The following STAG1 variants were observed in gnomAD, a reference collection of about 807,000 sequenced individuals.
STAG1 encodes the protein STAG1 cohesin complex component.
A neutral mutation model predicts 170.9 loss-of-function variants in STAG1; 26 were observed. The observed-to-expected ratio is 0.15, with a 90% confidence interval of 0.11 to 0.21. STAG1 has a LOEUF of 0.21. Ranked by LOEUF, STAG1 falls within the 10% of genes least tolerant of loss-of-function variation. The pLI, the probability that STAG1 is intolerant of heterozygous loss-of-function variation, is 1.00. For synonymous variants in STAG1, 514 were observed against 497.7 expected, an observed-to-expected ratio of 1.03 and a Z score of -0.44; for missense variants, 964 against 1,509.5, an observed-to-expected ratio of 0.64 and a Z score of 5.99.
At chr3:136,497,395 G>A (rs566666797) in intron 9 of STAG1, among the ~76,000 whole-genome samples, 1 of 152,206 alleles carries the variant, frequency 6.6e-6, no homozygotes, top group East Asian at 1.9e-4. Flanking sequence ...GATAATGTGG[G>A]CTTTATGCGT....
intron 6 of STAG1, among the ~76,000 whole-genome samples, chr3:136,540,883 C>A: frequency 7.6e-6 from 1 of 130,940 alleles, no homozygotes; most frequent in African/African-American, 2.7e-5. Context: ...AATTTCTCAA[C>A]TTCTAGTTAT....
chr3:136,542,457 A>G (rs1327333792), intron 5 of STAG1, among the ~76,000 whole-genome samples: 1 of 152,184 alleles, frequency 6.6e-6, no homozygotes, highest in African/African-American at 2.4e-5. Flanking sequence ...AATCTACCAT[A>G]AAGTTCTAGA....
At chr3:136,615,656 T>C (rs1939554026) in intron 3 of STAG1, among the ~76,000 whole-genome samples, 2 of 150,808 alleles carry the variant, frequency 1.3e-5, no homozygotes, top group South Asian at 2.1e-4. Context: ...TGGGCACCTG[T>C]AGTCCCAGCT....
chr3:136,704,849 TAAA>T (rs1295733813), intron 1 of STAG1, among the ~76,000 whole-genome samples: 2 of 123,032 alleles, frequency 1.6e-5, no homozygotes, highest in East Asian at 4.6e-4. Flanking sequence ...AAAAAAAAGA[TAAA>T]GAAGAATGCA....
intron 4 of STAG1, among the ~76,000 whole-genome samples, chr3:136,581,181 T>C (rs753070080): frequency 6.6e-6 from 1 of 152,244 alleles, no homozygotes; most frequent in African/African-American, 2.4e-5. Flanking sequence ...AGTTATGTTA[T>C]TGATACACTT....
intron 11 of STAG1, among the ~76,000 whole-genome samples, chr3:136,473,337 C>G (rs148173776): frequency 6.6e-6 from 1 of 152,058 alleles, no homozygotes; most frequent in African/African-American, 2.4e-5. Context: ...TGAATCATCC[C>G]GAAACCATCC....
At chr3:136,590,264 C>G (rs1217294186) in intron 4 of STAG1, among the ~76,000 whole-genome samples, 1 of 151,992 alleles carries the variant, frequency 6.6e-6, no homozygotes, top group Non-Finnish European at 1.5e-5. Context: ...GTGGGTGGAT[C>G]ACGAGGTCAG....
intron 1 of STAG1, among the ~76,000 whole-genome samples, chr3:136,695,155 C>T (rs918551176): frequency 1.3e-5 from 2 of 152,054 alleles, no homozygotes; most frequent in Non-Finnish European, 2.9e-5. Flanking sequence ...CAAAAGAACC[C>T]AATGAAGGCC....
chr3:136,445,969 GTTAA>G (rs1281907966), intron 14 of STAG1, among the ~76,000 whole-genome samples: 1 of 152,080 alleles, frequency 6.6e-6, no homozygotes, highest in Non-Finnish European at 1.5e-5. Flanking sequence ...AATAAAATAT[GTTAA>G]TTGATTTATA....
intron 14 of STAG1, among the ~76,000 whole-genome samples, chr3:136,446,829 G>C (rs150828723): frequency 6.3e-4 from 95 of 150,228 alleles, no homozygotes; most frequent in African/African-American, 2.3e-3. Flanking sequence ...TTTTGAGACA[G>C]AGTCTTGCTC....
intron 2 of STAG1, among the ~76,000 whole-genome samples, chr3:136,623,770 C>T (rs1939967566): frequency 6.6e-6 from 1 of 151,908 alleles, no homozygotes; most frequent in Non-Finnish European, 1.5e-5. Flanking sequence ...GCCTGGCCAA[C>T]ATAGTAAAAC....
At chr3:136,369,313 T>C in intron 23 of STAG1, 31 bp from the exon 24 acceptor site, 1 of 1,528,880 alleles carries the variant, frequency 6.5e-7, no homozygotes, top group Non-Finnish European at 8.8e-7. Flanking sequence ...ATCAGCAAAA[T>C]ATTACACAAA....
chr3:136,354,997 A>G (rs1936589990), intron 28 of STAG1, among the ~76,000 whole-genome samples: 1 of 152,076 alleles, frequency 6.6e-6, no homozygotes, highest in African/African-American at 2.4e-5. Context: ...TGACACAAAA[A>G]TGTCTTAGAG....
At chr3:136,609,426 T>C (rs1471741) in intron 3 of STAG1, 109,283 of 148,062 alleles carry the variant, frequency 0.74, 40,472 homozygotes, top group East Asian at 0.86. Context: ...TATATATATA[T>C]ATACACACAC....
chr3:136,637,116 T>C (rs1036512092), intron 1 of STAG1, among the ~76,000 whole-genome samples: 1 of 152,214 alleles, frequency 6.6e-6, no homozygotes, highest in Non-Finnish European at 1.5e-5. Context: ...AACAAAATGA[T>C]ATTTGACAGC....
chr3:136,472,358 G>A, intron 12 of STAG1, 55 bp downstream of exon 12: 1 of 1,313,336 alleles, frequency 7.6e-7, no homozygotes, highest in Non-Finnish European at 1.1e-6. Context: ...TAAAAATCCT[G>A]GGGAAAAGGT....
At chr3:136,734,904 G>A (rs1559980306) in intron 1 of STAG1, among the ~76,000 whole-genome samples, 1 of 152,138 alleles carries the variant, frequency 6.6e-6, no homozygotes, top group Non-Finnish European at 1.5e-5. Flanking sequence ...AGTGAAATAA[G>A]CCAGGCAAAT....
At chr3:136,514,841 T>C (rs535535384) in intron 7 of STAG1, among the ~76,000 whole-genome samples, 1 of 151,928 alleles carries the variant, frequency 6.6e-6, no homozygotes, top group South Asian at 2.1e-4. Context: ...ATGTTCTCAC[T>C]CATAGGTGGG....
intron 28 of STAG1, among the ~76,000 whole-genome samples, chr3:136,352,823 A>G (rs566853366): frequency 5.9e-5 from 9 of 152,296 alleles, no homozygotes; most frequent in Admixed American, 2.6e-4. Context: ...AAGGTAGGCT[A>G]TATTATTCTG....
Sources: allele counts gnomAD v4.1 joint callset (sites outside exome capture counted in the v4.1 genomes callset), GRCh38; gene constraint gnomAD v4.1.1; transcripts MANE v1.5; gene names NCBI Gene and HGNC (gene_info 2026-07-23, HGNC 2026-07-21).